NAPB: variants seen among roughly 807,000 people sequenced by gnomAD.
The protein encoded by NAPB is beta-soluble NSF attachment protein.
A neutral mutation model predicts 44.7 loss-of-function variants in NAPB; 26 were observed. The observed-to-expected ratio is 0.58, with a 90% CI of 0.43 to 0.81. The LOEUF (loss-of-function observed/expected upper bound fraction) is 0.81, where lower values mean the gene tolerates loss of function less well. Among genes scored for constraint, NAPB ranks in the 30% least tolerant of loss-of-function variants. NAPB has a pLI of 0.00. For missense variants in NAPB, 315 were observed against 356.4 expected (o/e 0.88, Z 0.94); for synonymous variants, 120 against 116.8 (o/e 1.03, Z -0.18).
At chr20:23,410,520 C>T (rs897152431) in intron 1 of NAPB, among the ~76,000 whole-genome samples, 3 of 152,084 alleles carry the variant, frequency 2.0e-5, no homozygotes, top group Non-Finnish European at 2.9e-5. Flanking sequence ...AAATGGCAAC[C>T]GTAGACACTG....
At chr20:23,405,353 GAGAT>G (rs1985170053) in intron 1 of NAPB, among the ~76,000 whole-genome samples, 1 of 151,896 alleles carries the variant, frequency 6.6e-6, no homozygotes, top group Non-Finnish European at 1.5e-5. Flanking sequence ...ATGAAAGAGA[GAGAT>G]AAAGAAAGAG....
At chr20:23,381,501 A>C (rs1356581307) in intron 7 of NAPB, among the ~76,000 whole-genome samples, 184 bp from the exon 8 acceptor site, 2 of 152,224 alleles carry the variant, frequency 1.3e-5, no homozygotes, top group Admixed American at 6.5e-5. Flanking sequence ...AAATACATGA[A>C]GTCTTAACCA....
At chr20:23,418,039 T>A (rs115157497) in intron 1 of NAPB, among the ~76,000 whole-genome samples, 1 of 152,246 alleles carries the variant, frequency 6.6e-6, no homozygotes, top group African/African-American at 2.4e-5. Context: ...ATGACAGGCT[T>A]TAATCTGCAG....
chr20:23,395,980 T>G (rs1984328022), intron 3 of NAPB, among the ~76,000 whole-genome samples: 1 of 152,090 alleles, frequency 6.6e-6, no homozygotes, highest in Non-Finnish European at 1.5e-5. Context: ...CTAAACTACA[T>G]AAAAAATGTG....
intron 5 of NAPB, 31 bp from the exon 6 acceptor site, chr20:23,390,295 A>G: frequency 6.4e-7 from 1 of 1,560,806 alleles, no homozygotes; most frequent in Non-Finnish European, 8.8e-7. Flanking sequence ...TTCACACACA[A>G]TTTATTTGGA....
intron 5 of NAPB, among the ~76,000 whole-genome samples, chr20:23,393,813 C>T (rs936577100): frequency 6.6e-6 from 1 of 152,026 alleles, no homozygotes; most frequent in African/African-American, 2.4e-5. Flanking sequence ...TGGAAGGGCA[C>T]GGGGAAGTTA....
chr20:23,421,266 G>A, intron 1 of NAPB, 39 bp downstream of exon 1: 5 of 1,239,452 alleles, frequency 4.0e-6, no homozygotes, highest in Non-Finnish European at 5.3e-6. Context: ...CAAGTACGGA[G>A]ACCCCCCCCC....
At chr20:23,412,954 T>TACTCC in intron 1 of NAPB, among the ~76,000 whole-genome samples, 1 of 152,200 alleles carries the variant, frequency 6.6e-6, no homozygotes, top group Non-Finnish European at 1.5e-5. Context: ...CGCACCACTG[T>TACTCC]ACTCCAGCCT....
intron 1 of NAPB, among the ~76,000 whole-genome samples, chr20:23,416,920 A>G (rs1986040601): frequency 6.6e-6 from 1 of 152,228 alleles, no homozygotes; most frequent in African/African-American, 2.4e-5. Flanking sequence ...ACAAACAACC[A>G]ACAAATTATA....
intron 1 of NAPB, among the ~76,000 whole-genome samples, chr20:23,413,819 A>T (rs2424548): frequency 1.1e-4 from 17 of 151,812 alleles, no homozygotes; most frequent in African/African-American, 2.2e-4. Flanking sequence ...GACAAAAACA[A>T]GAAAGTTATC....
chr20:23,404,121 A>C (rs1187740933), intron 1 of NAPB, among the ~76,000 whole-genome samples: 1 of 152,180 alleles, frequency 6.6e-6, no homozygotes, highest in South Asian at 2.1e-4. Context: ...ATAAAAGCCA[A>C]AATTATCCTC....
At chr20:23,388,613 G>T (rs529412348) in intron 7 of NAPB, among the ~76,000 whole-genome samples, 1 of 152,190 alleles carries the variant, frequency 6.6e-6, no homozygotes, top group East Asian at 1.9e-4. Context: ...ATTTCATATG[G>T]TGAAATAATT....
At chr20:23,386,849 C>G (rs1305628813) in intron 7 of NAPB, among the ~76,000 whole-genome samples, 1 of 152,090 alleles carries the variant, frequency 6.6e-6, no homozygotes, top group Non-Finnish European at 1.5e-5. Context: ...GTGAGTATAA[C>G]AGCTTTCAGT....
chr20:23,392,110 G>C (rs1984001042), intron 5 of NAPB, among the ~76,000 whole-genome samples: 1 of 152,180 alleles, frequency 6.6e-6, no homozygotes, highest in Admixed American at 6.5e-5. Context: ...TTTGTAAATA[G>C]GCATCATGCT....
chr20:23,391,802 C>CA (rs1983979901), intron 5 of NAPB, among the ~76,000 whole-genome samples: 1 of 152,280 alleles, frequency 6.6e-6, no homozygotes, highest in East Asian at 1.9e-4. Context: ...CCGTAAAAAC[C>CA]ATTTTTAGCA....
intron 7 of NAPB, among the ~76,000 whole-genome samples, chr20:23,385,759 GAGAA>G (rs1324843332): frequency 3.4e-5 from 5 of 147,966 alleles, no homozygotes; most frequent in East Asian, 2.1e-4. Context: ...GAGAGAAAGA[GAGAA>G]AGAGAGAGAG....
At chr20:23,380,130 A>G (rs1004845500) in intron 8 of NAPB, among the ~76,000 whole-genome samples, 195 bp from the exon 9 acceptor site, 10 of 152,272 alleles carry the variant, frequency 6.6e-5, no homozygotes, top group Admixed American at 1.3e-4. Context: ...TAATTTCTAA[A>G]CTACTTTTTT....
intron 2 of NAPB, among the ~76,000 whole-genome samples, chr20:23,397,799 T>G (rs1984486470): frequency 6.6e-6 from 1 of 152,248 alleles, no homozygotes; most frequent in Non-Finnish European, 1.5e-5. Flanking sequence ...CCCCATTTAG[T>G]GTGAGAATTT....
intron 3 of NAPB, among the ~76,000 whole-genome samples, chr20:23,396,278 C>T (rs920308597): frequency 2.0e-5 from 3 of 152,204 alleles, no homozygotes; most frequent in Non-Finnish European, 4.4e-5. Flanking sequence ...AATGTTACCA[C>T]TCTAACAGCT....
Sources: allele counts gnomAD v4.1 joint callset (sites outside exome capture counted in the v4.1 genomes callset), GRCh38; gene constraint gnomAD v4.1.1; transcripts MANE v1.5; gene names NCBI Gene and HGNC (gene_info 2026-07-23, HGNC 2026-07-21).